NEGR1: variants seen among roughly 807,000 people sequenced by gnomAD.
NEGR1 encodes IgLON family member 4.
A neutral mutation model predicts 40.9 loss-of-function variants in NEGR1; 10 were observed. That is an observed-to-expected ratio of 0.24 (90% confidence interval 0.15 to 0.42). The LOEUF is 0.42. NEGR1 is among the 10% of genes least tolerant of loss of function. The probability of loss-of-function intolerance (pLI) is 1.00; values close to 1 mark genes in which losing one functional copy is unlikely to be tolerated. For missense variants in NEGR1, 352 were observed against 438.9 expected (o/e 0.80, Z 1.77); for synonymous variants, 185 against 166.8 (o/e 1.11, Z -0.84).
At chr1:71,435,977 A>G (rs1238571634) in intron 6 of NEGR1, among the ~76,000 whole-genome samples, 1 of 152,190 alleles carries the variant, frequency 6.6e-6, no homozygotes, top group Non-Finnish European at 1.5e-5. Flanking sequence ...TTTAAAGCTC[A>G]CTACACACAG....
intron 1 of NEGR1, among the ~76,000 whole-genome samples, chr1:71,982,511 G>C (rs1646362387): frequency 6.6e-6 from 1 of 152,124 alleles, no homozygotes; most frequent in African/African-American, 2.4e-5. Flanking sequence ...CAAAATGTCT[G>C]AATTTGTTTT....
chr1:71,535,790 T>C (rs892533655), intron 6 of NEGR1, among the ~76,000 whole-genome samples: 4 of 151,648 alleles, frequency 2.6e-5, no homozygotes, highest in African/African-American at 9.7e-5. Flanking sequence ...TTCAGTGAGT[T>C]AGAAAGGACT....
chr1:71,514,395 T>C (rs1307619482), intron 6 of NEGR1, among the ~76,000 whole-genome samples: 2 of 93,710 alleles, frequency 2.1e-5, no homozygotes, highest in Non-Finnish European at 4.2e-5. Flanking sequence ...GCAGACTGCC[T>C]CCTCAAGTGG....
chr1:71,469,104 T>G (rs1362824810), intron 6 of NEGR1, among the ~76,000 whole-genome samples: 1 of 152,058 alleles, frequency 6.6e-6, no homozygotes, highest in Non-Finnish European at 1.5e-5. Flanking sequence ...TTGTTCCTCC[T>G]TTGAAATTGA....
At chr1:71,692,416 T>C (rs1653317452) in intron 4 of NEGR1, among the ~76,000 whole-genome samples, 1 of 151,768 alleles carries the variant, frequency 6.6e-6, no homozygotes, top group Non-Finnish European at 1.5e-5. Context: ...GTGATGACTA[T>C]GAATTCAAAT....
intron 1 of NEGR1, among the ~76,000 whole-genome samples, chr1:72,128,872 A>G (rs1650132625): frequency 6.6e-6 from 1 of 152,152 alleles, no homozygotes; most frequent in African/African-American, 2.4e-5. Context: ...GTATCATTCA[A>G]AATGTTAATA....
chr1:71,975,867 T>C (rs1311390408), intron 1 of NEGR1, among the ~76,000 whole-genome samples: 5 of 152,186 alleles, frequency 3.3e-5, no homozygotes, highest in Non-Finnish European at 7.3e-5. Context: ...TACCATATAG[T>C]CAAATTCACC....
intron 2 of NEGR1, among the ~76,000 whole-genome samples, chr1:71,807,476 C>T (rs908497613): frequency 6.6e-6 from 1 of 152,074 alleles, no homozygotes; most frequent in South Asian, 2.1e-4. Flanking sequence ...TGGCCAAAAA[C>T]AGAAATAGTA....
intron 2 of NEGR1, among the ~76,000 whole-genome samples, chr1:71,813,063 G>T (rs547124021): frequency 3.3e-5 from 5 of 151,794 alleles, no homozygotes; most frequent in Non-Finnish European, 7.4e-5. Context: ...TTACAAATTT[G>T]GATTTTATAT....
chr1:72,199,137 C>CTAGA (rs776278849), intron 1 of NEGR1, among the ~76,000 whole-genome samples: 1,687 of 124,698 alleles, frequency 0.014, 15 homozygotes, highest in South Asian at 0.035. Flanking sequence ...GGAGATCTAT[C>CTAGA]TAGATAGACA....
intron 2 of NEGR1, among the ~76,000 whole-genome samples, chr1:71,800,754 AT>A (rs1657525522): frequency 6.6e-6 from 1 of 152,070 alleles, no homozygotes. Flanking sequence ...CGAGGGCTTC[AT>A]TTCACTAATC....
intron 4 of NEGR1, among the ~76,000 whole-genome samples, chr1:71,648,462 T>C (rs905921958): frequency 1.6e-4 from 24 of 152,016 alleles, no homozygotes; most frequent in African/African-American, 5.8e-4. Flanking sequence ...AGTTAAATTA[T>C]TCATTCAAGG....
chr1:71,525,894 C>T (rs561949118), intron 6 of NEGR1, among the ~76,000 whole-genome samples: 83 of 151,596 alleles, frequency 5.5e-4, no homozygotes, highest in African/African-American at 1.9e-3. Flanking sequence ...GATTAGTACA[C>T]GTGGTGCCTG....
intron 3 of NEGR1, among the ~76,000 whole-genome samples, chr1:71,756,414 A>C (rs1169652026): frequency 3.3e-5 from 5 of 151,394 alleles, no homozygotes; most frequent in East Asian, 1.9e-4. Context: ...AAACAAACAA[A>C]AAAAAAAAAC....
Position 72,127,845 on chromosome 1 carries a change from C to T in NEGR1, c.176+154474G>A, listed in dbSNP as rs1279107463. ...CTATTTGTTCATAATCTTTTGTCATCTTTTTCAAAGTATGAAAGAGAAGAC... is the reference window on the plus strand; with the variant it reads ...CTATTTGTTCATAATCTTTTGTCATTTTTTTCAAAGTATGAAAGAGAAGAC... On this transcript the variant is annotated intron_variant, in intron 1 of 6. Coordinates refer to ENST00000357731, the MANE Select transcript of NEGR1 (RefSeq NM_173808.3). Among the ~76,000 whole-genome samples, 3 of 151,988 alleles carry T rather than the reference C, an allele frequency of 2.0e-5. No homozygotes were observed. In the East Asian group the frequency reaches 5.8e-4, roughly 29 times the overall value.
At chr1:72,132,182 C>T (rs778716388) in intron 1 of NEGR1, among the ~76,000 whole-genome samples, 20 of 152,170 alleles carry the variant, frequency 1.3e-4, no homozygotes, top group African/African-American at 4.1e-4. Flanking sequence ...ACAACTGGAA[C>T]GGTAAACTAA....
intron 2 of NEGR1, among the ~76,000 whole-genome samples, chr1:71,782,476 T>G (rs1018328549): frequency 3.9e-5 from 6 of 152,178 alleles, no homozygotes; most frequent in Non-Finnish European, 5.9e-5. Context: ...ATAGTTTTCT[T>G]TGCAATCCAT....
chr1:71,529,807 C>T (rs1405939671), intron 6 of NEGR1, among the ~76,000 whole-genome samples: 1 of 151,104 alleles, frequency 6.6e-6, no homozygotes, highest in Non-Finnish European at 1.5e-5. Flanking sequence ...CGCCCCTTAC[C>T]TTTCAAACTG....
At chr1:71,417,358 C>T (rs1646363150) in intron 6 of NEGR1, among the ~76,000 whole-genome samples, 1 of 151,898 alleles carries the variant, frequency 6.6e-6, no homozygotes, top group Non-Finnish European at 1.5e-5. Context: ...TGAGGTTTTA[C>T]TATAGAGCTG....
Sources: allele counts gnomAD v4.1 joint callset (sites outside exome capture counted in the v4.1 genomes callset), GRCh38; gene constraint gnomAD v4.1.1; transcripts MANE v1.5; gene names NCBI Gene and HGNC (gene_info 2026-07-23, HGNC 2026-07-21).